Variants in ISM2 observed in about 807,000 individuals in gnomAD.
The protein encoded by ISM2 is isthmin-2.
A neutral mutation model predicts 58.0 loss-of-function variants in ISM2; 50 were observed. That is an observed-to-expected ratio of 0.86 (90% CI 0.69 to 1.09). The LOEUF is 1.09. ISM2 is among the 50% of genes least tolerant of loss of function. The pLI is 0.00. For synonymous variants in ISM2, 303 were observed against 312.4 expected, an observed-to-expected ratio of 0.97 and a Z score of 0.32; for missense variants, 723 against 745.0, an observed-to-expected ratio of 0.97 and a Z score of 0.34.
chr14:77,476,541 C>T (rs138216782), intron 6 of ISM2, among the ~76,000 whole-genome samples: 84 of 152,282 alleles, frequency 5.5e-4, no homozygotes, highest in African/African-American at 1.9e-3. Context: ...TTGTTCTGAA[C>T]GCTGCCTTTC....
chr14:77,483,138 A>C (rs1218087480), intron 3 of ISM2, among the ~76,000 whole-genome samples: 2 of 152,256 alleles, frequency 1.3e-5, no homozygotes, highest in Non-Finnish European at 2.9e-5. Flanking sequence ...TGGATGGAAA[A>C]TAAGTAAAAG....
chr14:77,492,472 G>C (rs10149323), intron 1 of ISM2, among the ~76,000 whole-genome samples: 1 of 150,766 alleles, frequency 6.6e-6, no homozygotes, highest in African/African-American at 2.4e-5. Context: ...AGACAGAGCT[G>C]GGTCACTCTT....
intron 1 of ISM2, among the ~76,000 whole-genome samples, chr14:77,496,380 C>T (rs1165357039): frequency 2.0e-5 from 3 of 151,508 alleles, no homozygotes; most frequent in Non-Finnish European, 2.9e-5. Flanking sequence ...CCTAGCTACT[C>T]GGGAGGCAGA....
chr14:77,483,643 C>CGTGT lies in ISM2; in HGVS notation c.627+676_627+679dup, dbSNP rs148280012. On this transcript the variant is annotated intron_variant, in intron 3 of 6. Transcript: ENST00000342219. ...TTTTGCGTGTGCGTGTGCGTGTGTG[C>CGTGT]GTGTGTGTGTGTGTGTCTGTGTGTG... is the stretch of plus-strand genomic sequence containing the variant. 4.0e-3 allele frequency among the ~76,000 whole-genome samples: 600 copies of CGTGT among 149,332 alleles called. 1 individual carries two copies. The highest frequency in any genetic ancestry group is 0.014 in the African/African-American group (567 of 40,818).
chr14:77,497,367 C>CAAAAAAA (rs35676781), intron 1 of ISM2, among the ~76,000 whole-genome samples: 1 of 64,762 alleles, frequency 1.5e-5, no homozygotes, highest in Non-Finnish European at 2.6e-5. Context: ...GGCTCTGTCT[C>CAAAAAAA]AAAAAAAAAA....
At chr14:77,497,385 A>G (rs1401653932) in intron 1 of ISM2, among the ~76,000 whole-genome samples, 2 of 147,556 alleles carry the variant, frequency 1.4e-5, no homozygotes, top group African/African-American at 5.0e-5. Flanking sequence ...AAAAAAAAAA[A>G]AAAGGAAGAA....
At chr14:77,478,108 G>C (rs1350892863) in intron 6 of ISM2, 134 bp downstream of exon 6, 1 of 756,278 alleles carries the variant, frequency 1.3e-6, no homozygotes, top group African/African-American at 1.7e-5. Flanking sequence ...TGTTGGAGAA[G>C]CAAACCTTCC....
At chr14:77,478,461 T>C in intron 5 of ISM2, 114 bp downstream of exon 5, 1 of 1,458,158 alleles carries the variant, frequency 6.9e-7, no homozygotes, top group Non-Finnish European at 9.4e-7. Flanking sequence ...AGGACCACCA[T>C]GTTTTTGAGC....
chr14:77,475,899 G>A lies in ISM2; in HGVS notation c.1412C>T (p.Thr471Met), dbSNP rs369653275. The A allele has an allele frequency of 1.9e-5, 31 of 1,603,020 alleles. No homozygotes were observed. In the Admixed American group the frequency reaches 2.2e-4, roughly 11 times the overall value. Residue 471 changes from threonine to methionine, a missense_variant, in exon 7 of 7, where the codon ACG becomes ATG. By Grantham distance (81) the Thr-to-Met change is moderately conservative. Transcript: ENST00000342219. The surrounding 1 kb of genome is among the most constrained non-coding windows in gnomAD (Gnocchi z 4.1). ...PRERLDIYQP[T>M]ARFCLRSMLS... is the part of the protein sequence containing the mutation. ...CATGGAACGCAGGCAGAAGCGCGCC[G>A]TGGGCTGGTAGATGTCCAGGCGCTC...
At chr14:77,485,024 T>G in intron 1 of ISM2, 105 bp from the exon 2 acceptor site, 3 of 1,164,580 alleles carry the variant, frequency 2.6e-6, no homozygotes, top group Non-Finnish European at 3.7e-6. Context: ...TCTGACCGGG[T>G]CATAAACTCA....
chr14:77,479,824 T>C (rs1170013062), intron 4 of ISM2, among the ~76,000 whole-genome samples: 2 of 152,260 alleles, frequency 1.3e-5, no homozygotes, highest in African/African-American at 2.4e-5. Flanking sequence ...TAAGCCTGGC[T>C]AATTTTTAAA....
chr14:77,475,665 C>T lies in ISM2; in HGVS notation c.1646G>A (p.Gly549Asp). ...CAGGGGGTTGTCGGTGCAGGCTCGG[C>T]CGTTGTTGGGAGGGAGCACAGCGTG... ...RLHAVLPPNN[G>D]RACTDNPLEE... Residue 549 changes from glycine to aspartate, a missense_variant, in exon 7 of 7, where the codon GGC becomes GAC. Coordinates refer to ENST00000342219, the MANE Select transcript of ISM2 (RefSeq NM_199296.3). This position sits in a 1 kb window ranked among gnomAD's most constrained non-coding sequence, Gnocchi z 4.1. 4 of 1,613,524 alleles carry T rather than the reference C, an allele frequency of 2.5e-6. No homozygotes were observed. Among genetic ancestry groups the T allele is most frequent in the Non-Finnish European group, 2.5e-6 (3 of 1,179,712 alleles).
intron 1 of ISM2, among the ~76,000 whole-genome samples, chr14:77,486,697 T>G (rs1378596354): frequency 6.6e-6 from 1 of 152,138 alleles, no homozygotes; most frequent in African/African-American, 2.4e-5. Context: ...TGTGCAGCCT[T>G]TTGGCTGATT....
At position 77,484,196 on chromosome 14, in the gene ISM2, C is replaced by G. The variant is rs551864345; in HGVS notation, c.627+127G>C. On this transcript the variant is annotated intron_variant, in intron 3 of 6. Transcript: ENST00000342219. ...CCACAGGGAGAGCATGGGGAGCCTG[C>G]CCTCTGACCCCACACAGCAGCCCCA... is the stretch of plus-strand genomic sequence containing the variant. The G allele has an allele frequency of 1.7e-5, 21 of 1,241,192 alleles. No individual in the cohort carries two copies. The East Asian group carries it at 4.9e-4, about 29-fold the overall frequency. The allele number at this position is 1,241,192 out of a possible 1,614,324, so 76.9% of individuals were successfully genotyped here.
rs1477922494 is a variant in ISM2, at chr14:77,475,528, A to C, written c.*67T>G. The C allele has an allele frequency of 5.0e-6, 2 of 399,622 alleles. No individual in the cohort carries two copies. The highest frequency in any genetic ancestry group is 7.6e-6 in the Non-Finnish European group (2 of 262,986). 24.8% of individuals were successfully genotyped at this position (399,622 alleles called of 1,614,324 possible). On this transcript the variant is annotated 3_prime_UTR_variant, in exon 7 of 7. Coordinates refer to ENST00000342219, the MANE Select transcript of ISM2 (RefSeq NM_199296.3). The surrounding 1 kb of genome is among the most constrained non-coding windows in gnomAD (Gnocchi z 4.1). Reference sequence around the variant, plus strand: ...TGTCTGGGCAGGGGCGGGTGAGGAAAGTTCTCCCGTGCAACAGCAGCAGCC... The same window carrying C: ...TGTCTGGGCAGGGGCGGGTGAGGAACGTTCTCCCGTGCAACAGCAGCAGCC...
intron 4 of ISM2, among the ~76,000 whole-genome samples, chr14:77,479,849 G>A (rs563500803): frequency 4.6e-5 from 7 of 151,842 alleles, no homozygotes; most frequent in Non-Finnish European, 8.8e-5. Context: ...TTGTAGAGAC[G>A]GGGTTTCACC....
Position 77,498,699 on chromosome 14 carries a change from G to C in ISM2, c.95C>G (p.Pro32Arg). ...EAALGLPVKKPRLRGPRPGSL... is the reference protein window; with the variant it reads ...EAALGLPVKKRRLRGPRPGSL... ...CCCAGGCCGTGGTCCGCGGAGCCGC[G>C]GCTTCTTCACGGGGAGCCCTAGCGC... Residue 32 changes from proline (P) to arginine (R), a missense_variant, in exon 1 of 7, where the codon CCG (proline) becomes CGG (arginine). By Grantham distance (103) the Pro-to-Arg change is moderately radical. Transcript: ENST00000342219. 2 of 1,484,196 alleles carry C rather than the reference G, an allele frequency of 1.3e-6. No homozygotes were observed. Among genetic ancestry groups the C allele is most frequent in the Non-Finnish European group, 1.8e-6 (2 of 1,125,368 alleles). 91.9% of individuals were successfully genotyped at this position (1,484,196 alleles called of 1,614,324 possible). A position where few individuals can be genotyped will look rare whatever the true frequency, so the allele number is the denominator to read the frequency against.
chr14:77,485,044 T>C (rs1407090234), intron 1 of ISM2, 125 bp from the exon 2 acceptor site: 1 of 985,814 alleles, frequency 1.0e-6, no homozygotes, highest in Non-Finnish European at 1.5e-6. Context: ...ACCCTGTGAC[T>C]TACATCTCTC....
At position 77,489,576 on chromosome 14, in the gene ISM2, C is replaced by A. The variant is rs531139576; in HGVS notation, c.142-4657G>T. 9.9e-5 allele frequency among the ~76,000 whole-genome samples: 15 copies of A among 152,058 alleles called. No homozygotes were observed. In the East Asian group the frequency reaches 1.7e-3, roughly 18 times the overall value. ...TCTTTTTTTTTAAGACTGGGTCTTGCTATGTTGCCCAGACTGGCCTCGATA... is the reference window on the plus strand; with the variant it reads ...TCTTTTTTTTTAAGACTGGGTCTTGATATGTTGCCCAGACTGGCCTCGATA... On this transcript the variant is annotated intron_variant, in intron 1 of 6. Coordinates refer to ENST00000342219, the MANE Select transcript of ISM2 (RefSeq NM_199296.3).
Sources: allele counts gnomAD v4.1 joint callset (sites outside exome capture counted in the v4.1 genomes callset), GRCh38; gene constraint gnomAD v4.1.1; non-coding constraint Gnocchi (gnomAD v3.1); transcripts MANE v1.5; gene names NCBI Gene and HGNC (gene_info 2026-07-23, HGNC 2026-07-21).